Variants in TBC1D31 observed in about 807,000 individuals in gnomAD.
The protein encoded by TBC1D31 is TBC1 domain family member 31.
A neutral mutation model predicts 132.9 loss-of-function variants in TBC1D31; 99 were observed. The ratio of observed to expected loss-of-function variants is 0.74; its 90% CI spans 0.63 to 0.88. TBC1D31 has a LOEUF of 0.88. Ranked by LOEUF, TBC1D31 falls within the 40% of genes least tolerant of loss-of-function variation. TBC1D31 has a pLI of 0.00. For synonymous variants in TBC1D31, 385 were observed against 419.4 expected, an observed-to-expected ratio of 0.92 and a Z score of 1.00; for missense variants, 1,134 against 1,256.6, an observed-to-expected ratio of 0.90 and a Z score of 1.48.
At chr8:123,081,138 T>A (rs1815107499) in intron 2 of TBC1D31, among the ~76,000 whole-genome samples, 1 of 152,234 alleles carries the variant, frequency 6.6e-6, no homozygotes, top group Admixed American at 6.5e-5. Context: ...GGCTTCATGG[T>A]ACAGCTTTTG....
At chr8:123,146,864 A>G (rs1822266128) in intron 20 of TBC1D31, among the ~76,000 whole-genome samples, 1 of 151,304 alleles carries the variant, frequency 6.6e-6, no homozygotes, top group African/African-American at 2.4e-5. Context: ...TTTAGTAGAG[A>G]TGGGGTTTCG....
chr8:123,080,169 T>C (rs983691721), intron 2 of TBC1D31, among the ~76,000 whole-genome samples: 3 of 152,224 alleles, frequency 2.0e-5, no homozygotes, highest in Non-Finnish European at 2.9e-5. Flanking sequence ...ACTTGTGTCA[T>C]GCATGTAACA....
intron 10 of TBC1D31, among the ~76,000 whole-genome samples, chr8:123,111,158 G>A (rs1193919077): frequency 6.6e-6 from 1 of 151,614 alleles, no homozygotes; most frequent in African/African-American, 2.4e-5. Context: ...GTGGTTTTAT[G>A]TACTTGTTAG....
chr8:123,152,658 G>T (rs1052418420), downstream of TBC1D31, among the ~76,000 whole-genome samples: 1 of 152,114 alleles, frequency 6.6e-6, no homozygotes, highest in Admixed American at 6.5e-5. Flanking sequence ...ATCACTTGAG[G>T]TCAGGAGTTC....
intron 4 of TBC1D31, among the ~76,000 whole-genome samples, chr8:123,088,201 A>AAT (rs990039448): frequency 6.6e-6 from 1 of 152,036 alleles, no homozygotes; most frequent in Non-Finnish European, 1.5e-5. Flanking sequence ...AAAAAAAAAA[A>AAT]ATACAATACA....
rs1239613151 is a variant in TBC1D31 at position 123,152,022 on chromosome 8, TC to T, written c.*85del. 7.8e-7 allele frequency: 1 copy of T among 1,274,136 alleles called. No homozygotes were observed. Among genetic ancestry groups the T allele is most frequent in the Non-Finnish European group, 1.0e-6 (1 of 980,962 alleles). 78.9% of individuals were successfully genotyped at this position (1,274,136 alleles called of 1,614,324 possible). ...GATTTTTAGATTATTTATTTAAAAT[TC>T]CTATAAAGATCAGCCCTTTGTACAG... On this transcript the variant is annotated 3_prime_UTR_variant, in exon 22 of 22. Transcript: ENST00000287380.
At chr8:123,159,268 G>GAAAAAAAAAAAAAAA in the TBC1D31 span, among the ~76,000 whole-genome samples, 2 of 93,914 alleles carry the variant, frequency 2.1e-5, no homozygotes, top group African/African-American at 7.6e-5. Context: ...ATTTGAACAG[G>GAAAAAAAAAAAAAAA]AAAAAAAAAA....
chr8:123,102,234 T>G (rs1285572728), intron 7 of TBC1D31: 1 of 456,740 alleles, frequency 2.2e-6, no homozygotes, highest in South Asian at 1.5e-5. Context: ...TCTAACCCTT[T>G]CATTTTACAC....
chr8:123,114,532 G>C (rs1443821492), intron 10 of TBC1D31, among the ~76,000 whole-genome samples: 1 of 152,168 alleles, frequency 6.6e-6, no homozygotes, highest in African/African-American at 2.4e-5. Context: ...AAGTTTGCCA[G>C]GCTGGTCTGG....
rs147171261 is a variant in TBC1D31, at chr8:123,088,495, A to C, written c.519+4155A>C. Among the ~76,000 whole-genome samples the C allele has an allele frequency of 3.7e-3, 570 of 152,308 alleles. 2 individuals are homozygous for C. The highest frequency in any genetic ancestry group is 0.013 in the African/African-American group (552 of 41,562). ...AGATGGGCCAGGTGATGACCACTTCAGTTGTAAACAGGAAATAACTGTAAC... is the reference window on the plus strand; with the variant it reads ...AGATGGGCCAGGTGATGACCACTTCCGTTGTAAACAGGAAATAACTGTAAC... On this transcript the variant is annotated intron_variant, in intron 4 of 21. Coordinates refer to ENST00000287380, the MANE Select transcript of TBC1D31 (RefSeq NM_145647.4).
At chr8:123,103,455 C>T (rs1468883899) in intron 7 of TBC1D31, 2 of 151,182 alleles carry the variant, frequency 1.3e-5, no homozygotes, top group Non-Finnish European at 2.9e-5. Context: ...TGGAGTCTCA[C>T]TCTGTCTTCC....
intron 10 of TBC1D31, among the ~76,000 whole-genome samples, chr8:123,114,232 G>C (rs974488410): frequency 1.3e-5 from 2 of 152,158 alleles, no homozygotes; most frequent in Non-Finnish European, 2.9e-5. Flanking sequence ...CAGGCTCATG[G>C]GGCATGATCG....
At chr8:123,152,619 C>T (rs1368585464), downstream of TBC1D31, among the ~76,000 whole-genome samples, 1 of 152,154 alleles carries the variant, frequency 6.6e-6, no homozygotes, top group Non-Finnish European at 1.5e-5. Flanking sequence ...ACCTGTAATC[C>T]CAGCACTTTG....
the TBC1D31 span, among the ~76,000 whole-genome samples, chr8:123,163,172 G>C: frequency 1.3e-5 from 2 of 151,336 alleles, no homozygotes; most frequent in Non-Finnish European, 2.9e-5. Context: ...ATATATACTC[G>C]GCCTCCCAGA....
At chr8:123,123,990 A>T (rs527588078) in intron 11 of TBC1D31, among the ~76,000 whole-genome samples, 1 of 151,992 alleles carries the variant, frequency 6.6e-6, no homozygotes, top group African/African-American at 2.4e-5. Flanking sequence ...TGGGGATAGT[A>T]GTTTTTCATC....
At chr8:123,119,824 A>G (rs575363437) in intron 10 of TBC1D31, among the ~76,000 whole-genome samples, 3 of 152,368 alleles carry the variant, frequency 2.0e-5, no homozygotes, top group African/African-American at 7.2e-5. Flanking sequence ...TTTCCAAGAT[A>G]CCATTAATTG....
the TBC1D31 span, among the ~76,000 whole-genome samples, chr8:123,161,311 T>C: frequency 6.6e-6 from 1 of 152,144 alleles, no homozygotes; most frequent in African/African-American, 2.4e-5. Context: ...GAAAACCTGA[T>C]CCCCATTGCC....
intron 4 of TBC1D31, among the ~76,000 whole-genome samples, 198 bp from the exon 5 acceptor site, chr8:123,093,393 G>A (rs1004986983): frequency 1.0e-4 from 15 of 148,722 alleles, no homozygotes; most frequent in African/African-American, 1.2e-4. Flanking sequence ...CCTAGTTTTC[G>A]TTTGAAGGGT....
downstream of TBC1D31, among the ~76,000 whole-genome samples, chr8:123,152,563 A>G (rs1822871952): frequency 1.3e-5 from 2 of 152,148 alleles, no homozygotes; most frequent in African/African-American, 4.8e-5. Flanking sequence ...GAAATACTTG[A>G]TATGACGATT....
Sources: allele counts gnomAD v4.1 joint callset (sites outside exome capture counted in the v4.1 genomes callset), GRCh38; gene constraint gnomAD v4.1.1; transcripts MANE v1.5; gene names NCBI Gene and HGNC (gene_info 2026-07-23, HGNC 2026-07-21).